Variants in CTNND2 observed in about 807,000 individuals in gnomAD.
CTNND2 encodes the protein catenin delta-2.
Under a neutral mutation model 144.4 loss-of-function variants are expected in CTNND2, and 22 were observed. The ratio of observed to expected loss-of-function variants is 0.15; its 90% CI spans 0.11 to 0.22. The LOEUF (loss-of-function observed/expected upper bound fraction) is 0.22, where lower values mean the gene tolerates loss of function less well. Ranked by LOEUF, CTNND2 falls within the 10% of genes least tolerant of loss-of-function variation. CTNND2 has a pLI of 1.00. For missense variants in CTNND2, 1,353 were observed against 1,618.8 expected (o/e 0.84, Z 2.82); for synonymous variants, 751 against 695.6 (o/e 1.08, Z -1.25).
intron 14 of CTNND2, among the ~76,000 whole-genome samples, chr5:11,102,690 G>A (rs1445927880): frequency 6.6e-6 from 1 of 152,096 alleles, no homozygotes; most frequent in Non-Finnish European, 1.5e-5. Context: ...AGAAGGTAAT[G>A]CTCAAAAATT....
chr5:11,878,246 A>G (rs1735706528), intron 1 of CTNND2, among the ~76,000 whole-genome samples: 3 of 152,104 alleles, frequency 2.0e-5, no homozygotes, highest in African/African-American at 4.8e-5. Context: ...TATATAAATA[A>G]CTCCATTATA....
intron 1 of CTNND2, among the ~76,000 whole-genome samples, chr5:11,890,241 T>C (rs1736853181): frequency 6.6e-6 from 1 of 152,232 alleles, no homozygotes; most frequent in African/African-American, 2.4e-5. Flanking sequence ...TTGGTTCATA[T>C]TAAATCATGA....
intron 1 of CTNND2, among the ~76,000 whole-genome samples, chr5:11,812,177 G>T (rs1438554549): frequency 6.6e-6 from 1 of 152,166 alleles, no homozygotes; most frequent in African/African-American, 2.4e-5. Context: ...GTAAAACACA[G>T]ATGTCCTGTT....
At chr5:11,264,046 T>G (rs1019525739) in intron 9 of CTNND2, among the ~76,000 whole-genome samples, 1 of 152,234 alleles carries the variant, frequency 6.6e-6, no homozygotes, top group African/African-American at 2.4e-5. Flanking sequence ...AAAACATGTT[T>G]TGCTAAGAGC....
chr5:11,632,244 C>T (rs1781448443), intron 2 of CTNND2, among the ~76,000 whole-genome samples: 1 of 152,084 alleles, frequency 6.6e-6, no homozygotes, highest in African/African-American at 2.4e-5. Context: ...GTGATATCAA[C>T]AGACGTATAC....
chr5:11,190,505 A>AT (rs1736132102), intron 11 of CTNND2, among the ~76,000 whole-genome samples: 2 of 152,204 alleles, frequency 1.3e-5, no homozygotes. Flanking sequence ...GAGCAAACCA[A>AT]TGTGGCTAAA....
At chr5:11,674,506 A>C (rs1301009777) in intron 2 of CTNND2, among the ~76,000 whole-genome samples, 1 of 152,300 alleles carries the variant, frequency 6.6e-6, no homozygotes, top group South Asian at 2.1e-4. Context: ...TAACTGATGA[A>C]TCTACAGTGA....
At chr5:11,213,848 A>C (rs1399657083) in intron 10 of CTNND2, among the ~76,000 whole-genome samples, 2 of 152,176 alleles carry the variant, frequency 1.3e-5, no homozygotes, top group Non-Finnish European at 2.9e-5. Context: ...AATGTCATAC[A>C]TATATAACAA....
intron 9 of CTNND2, among the ~76,000 whole-genome samples, chr5:11,290,372 CAT>C (rs1371334970): frequency 6.6e-6 from 1 of 152,198 alleles, no homozygotes; most frequent in Non-Finnish European, 1.5e-5. Context: ...ACCTAGCACA[CAT>C]ATGATTGTGT....
At chr5:11,739,609 T>G (rs1787882325) in intron 1 of CTNND2, among the ~76,000 whole-genome samples, 2 of 152,128 alleles carry the variant, frequency 1.3e-5, no homozygotes, top group South Asian at 4.1e-4. Flanking sequence ...GGGCAAAAAC[T>G]GGAAGCATTC....
intron 2 of CTNND2, among the ~76,000 whole-genome samples, chr5:11,702,593 A>G (rs951272957): frequency 3.3e-5 from 5 of 152,158 alleles, no homozygotes; most frequent in African/African-American, 1.2e-4. Flanking sequence ...AGAATTGCAA[A>G]GACAATTACA....
chr5:11,308,557 C>T lies in CTNND2; in HGVS notation c.1628+37815G>A, dbSNP rs538955299. On this transcript the variant is annotated intron_variant, in intron 9 of 21. Coordinates refer to ENST00000304623, the MANE Select transcript of CTNND2 (RefSeq NM_001332.4). The stretch of plus-strand genomic sequence containing the variant: ...AAAGTAGTGGGTTCACTTCCCCTAA[C>T]GTTCCACTAATCACAAACTCAAAAT... Among the ~76,000 whole-genome samples the T allele has an allele frequency of 5.3e-5, 8 of 152,348 alleles. No individual in the cohort carries two copies. The East Asian group carries it at 1.3e-3, about 26-fold the overall frequency.
At chr5:11,333,707 G>A (rs1753430015) in intron 9 of CTNND2, among the ~76,000 whole-genome samples, 1 of 152,322 alleles carries the variant, frequency 6.6e-6, no homozygotes, top group South Asian at 2.1e-4. Flanking sequence ...ACGTCTGGGA[G>A]CTGACCTGGA....
rs115218017 is a variant in CTNND2, at chr5:11,558,584, A to G, written c.287+6360T>C. 2.0e-3 allele frequency among the ~76,000 whole-genome samples: 298 copies of G among 152,146 alleles called. 1 individual carries two copies. Among genetic ancestry groups the G allele is most frequent in the African/African-American group, 6.7e-3 (279 of 41,526 alleles). Reference sequence around the variant, plus strand: ...GGAGTTTCACCATGTTGCCCAGGCTAGTCTCGCACTCCTGGGCTGAAACAA... The same window carrying G: ...GGAGTTTCACCATGTTGCCCAGGCTGGTCTCGCACTCCTGGGCTGAAACAA... On this transcript the variant is annotated intron_variant, in intron 3 of 21. Coordinates refer to ENST00000304623, the MANE Select transcript of CTNND2 (RefSeq NM_001332.4).
chr5:11,507,978 A>G (rs1771228371), intron 3 of CTNND2, among the ~76,000 whole-genome samples: 1 of 124,626 alleles, frequency 8.0e-6, no homozygotes, highest in Non-Finnish European at 1.6e-5. Flanking sequence ...TGGACATACA[A>G]AGAAATGGAT....
At chr5:11,700,542 T>G (rs1785381979) in intron 2 of CTNND2, among the ~76,000 whole-genome samples, 1 of 152,090 alleles carries the variant, frequency 6.6e-6, no homozygotes, top group African/African-American at 2.4e-5. Context: ...GAGTAAGCCA[T>G]GGTGAGAATG....
At chr5:11,318,405 A>G (rs1751710281) in intron 9 of CTNND2, among the ~76,000 whole-genome samples, 1 of 151,986 alleles carries the variant, frequency 6.6e-6, no homozygotes, top group Non-Finnish European at 1.5e-5. Flanking sequence ...CACTCCCTTC[A>G]AGTGGGCACT....
At chr5:11,650,601 T>C (rs922671308) in intron 2 of CTNND2, among the ~76,000 whole-genome samples, 8 of 152,262 alleles carry the variant, frequency 5.3e-5, no homozygotes, top group Non-Finnish European at 8.8e-5. Flanking sequence ...GTGACCAAAA[T>C]GATGATAGTG....
chr5:11,092,647 C>T (rs1750885949), intron 15 of CTNND2, among the ~76,000 whole-genome samples: 1 of 152,238 alleles, frequency 6.6e-6, no homozygotes, highest in Non-Finnish European at 1.5e-5. Context: ...ACACTGCTGA[C>T]TAGACAGGGT....
Sources: allele counts gnomAD v4.1 joint callset (sites outside exome capture counted in the v4.1 genomes callset), GRCh38; gene constraint gnomAD v4.1.1; transcripts MANE v1.5; gene names NCBI Gene and HGNC (gene_info 2026-07-23, HGNC 2026-07-21).